The following ABCB11 variants were observed in gnomAD, a reference collection of about 807,000 sequenced individuals.
ABCB11 encodes bile salt export pump.
ABCB11 carries 95 observed loss-of-function variants against 148.0 expected under a neutral mutation model. That is an observed-to-expected ratio of 0.64 (90% CI 0.54 to 0.76). ABCB11 has a LOEUF of 0.76. Ranked by LOEUF, ABCB11 falls within the 30% of genes least tolerant of loss-of-function variation. The pLI is 0.00. For missense variants in ABCB11, 1,523 were observed against 1,617.8 expected, an observed-to-expected ratio of 0.94 and a Z score of 1.01; for synonymous variants, 591 against 555.4, an observed-to-expected ratio of 1.06 and a Z score of -0.90.
At chr2:168,990,307 A>G (rs1376192335) in intron 9 of ABCB11, among the ~76,000 whole-genome samples, 1 of 151,904 alleles carries the variant, frequency 6.6e-6, no homozygotes, top group East Asian at 1.9e-4. Flanking sequence ...GTTCAGATTT[A>G]TTTCTCTTTA....
chr2:169,026,510 A>G (rs1359604272), intron 1 of ABCB11, among the ~76,000 whole-genome samples: 1 of 152,212 alleles, frequency 6.6e-6, no homozygotes, highest in African/African-American at 2.4e-5. Context: ...GAATTTTATA[A>G]CACTAAGTTT....
chr2:168,941,525 G>C (rs1692058874), intron 21 of ABCB11, among the ~76,000 whole-genome samples: 1 of 152,072 alleles, frequency 6.6e-6, no homozygotes, highest in African/African-American at 2.4e-5. Context: ...GCAATCTCAT[G>C]ATAAAACTTG....
chr2:169,009,094 A>C (rs1573972477), intron 5 of ABCB11, among the ~76,000 whole-genome samples: 1 of 152,206 alleles, frequency 6.6e-6, no homozygotes, highest in East Asian at 1.9e-4. Context: ...AAAGCAGATT[A>C]GTGTTGCCTA....
chr2:168,976,990 T>G (rs943735114), intron 11 of ABCB11, among the ~76,000 whole-genome samples: 10 of 149,356 alleles, frequency 6.7e-5, no homozygotes, highest in African/African-American at 1.9e-4. Context: ...CTTCTTGAGC[T>G]ATTACTGAGA....
chr2:168,983,280 C>T (rs966522179), intron 10 of ABCB11, among the ~76,000 whole-genome samples: 1 of 152,130 alleles, frequency 6.6e-6, no homozygotes, highest in Non-Finnish European at 1.5e-5. Context: ...TATGTATAAG[C>T]AGCTAGGACT....
At position 168,969,529 on chromosome 2, in the gene ABCB11, A is replaced by G. The variant is rs1469344983; in HGVS notation, c.1832T>C (p.Ile611Thr). The change falls in exon 16 of 28, where the codon ATT (isoleucine) becomes ACT (threonine). Residue 611 changes from isoleucine to threonine, a missense_variant. Coordinates refer to ENST00000650372, the MANE Select transcript of ABCB11 (RefSeq NM_003742.4). ...CGTAGACAAGCGATGAGCAACTGAA[A>G]TGATTGTGTGCCCATGCTGAATCTG... ...LSKIQHGHTI[I>T]SVAHRLSTVR... 2 of 1,612,282 alleles carry G rather than the reference A, an allele frequency of 1.2e-6. No homozygotes were observed. Among genetic ancestry groups the G allele is most frequent in the African/African-American group, 1.3e-5 (1 of 74,816 alleles).
At chr2:168,963,138 T>C (rs1574437935) in intron 18 of ABCB11, among the ~76,000 whole-genome samples, 3 of 151,922 alleles carry the variant, frequency 2.0e-5, no homozygotes, top group East Asian at 3.9e-4. Context: ...TCATGCATAA[T>C]GGATGTGCTT....
chr2:169,017,923 C>A (rs1399484274), intron 2 of ABCB11, 127 bp downstream of exon 2: 5 of 825,306 alleles, frequency 6.1e-6, no homozygotes, highest in Non-Finnish European at 2.2e-6. Context: ...GTATAAGAAT[C>A]ACACACAATG....
intron 27 of ABCB11, 24 bp from the exon 28 acceptor site, chr2:168,923,846 G>C: frequency 1.2e-6 from 2 of 1,610,112 alleles, no homozygotes; most frequent in Non-Finnish European, 1.7e-6. Context: ...ATGGAAAGTT[G>C]ATGCAAAGAT....
chr2:169,018,585 C>T (rs1010716006), intron 1 of ABCB11, among the ~76,000 whole-genome samples: 1 of 152,148 alleles, frequency 6.6e-6, no homozygotes, highest in Non-Finnish European at 1.5e-5. Context: ...GTTGGGTAAC[C>T]TTCAGTGTTC....
At chr2:168,963,033 T>G (rs1693144089) in intron 18 of ABCB11, among the ~76,000 whole-genome samples, 1 of 151,792 alleles carries the variant, frequency 6.6e-6, no homozygotes, top group Non-Finnish European at 1.5e-5. Flanking sequence ...AGTACTCTAC[T>G]TTATTCCAAA....
chr2:169,021,701 A>G (rs997777673), intron 1 of ABCB11, among the ~76,000 whole-genome samples: 2 of 152,142 alleles, frequency 1.3e-5, no homozygotes, highest in Non-Finnish European at 2.9e-5. Context: ...AAGTAAAAAA[A>G]GATTAAATGT....
chr2:168,988,007 T>C (rs1694382817), intron 9 of ABCB11, among the ~76,000 whole-genome samples: 1 of 151,578 alleles, frequency 6.6e-6, no homozygotes. Context: ...GTGTGTGTGA[T>C]GAGAACACTT....
At chr2:168,988,052 T>A (rs1558910866) in intron 9 of ABCB11, among the ~76,000 whole-genome samples, 1 of 152,126 alleles carries the variant, frequency 6.6e-6, no homozygotes, top group Non-Finnish European at 1.5e-5. Flanking sequence ...AAGTATGCAA[T>A]GTGATGTTAT....
chr2:168,928,039 T>C (rs1691392954), intron 25 of ABCB11, among the ~76,000 whole-genome samples: 1 of 152,160 alleles, frequency 6.6e-6, no homozygotes. Context: ...AGTCCTAGAA[T>C]ATTAAAGGCA....
intron 14 of ABCB11, chr2:168,970,477 A>G: frequency 1.1e-6 from 1 of 911,922 alleles, no homozygotes; most frequent in Non-Finnish European, 1.6e-6. Flanking sequence ...AACTTCAAAT[A>G]AGATTTTTCA....
intron 5 of ABCB11, among the ~76,000 whole-genome samples, chr2:169,008,170 G>A (rs903418528): frequency 6.6e-6 from 1 of 152,112 alleles, no homozygotes; most frequent in Non-Finnish European, 1.5e-5. Context: ...TATGACTGCT[G>A]TAACAATTAC....
At chr2:168,984,561 A>G (rs1012698562) in intron 10 of ABCB11, among the ~76,000 whole-genome samples, 1 of 152,182 alleles carries the variant, frequency 6.6e-6, no homozygotes, top group Non-Finnish European at 1.5e-5. Context: ...TTAGTAACTC[A>G]TTATGTTTCA....
chr2:168,946,150 G>T (rs1188357267), intron 19 of ABCB11, among the ~76,000 whole-genome samples: 1 of 151,880 alleles, frequency 6.6e-6, no homozygotes. Context: ...TGTAATTTAG[G>T]CCAGGTGAGG....
Sources: allele counts gnomAD v4.1 joint callset (sites outside exome capture counted in the v4.1 genomes callset), GRCh38; gene constraint gnomAD v4.1.1; transcripts MANE v1.5; gene names NCBI Gene and HGNC (gene_info 2026-07-23, HGNC 2026-07-21).